Variants in TEKT5 observed in about 807,000 individuals in gnomAD.
TEKT5 encodes tektin 5, also known as tektin-5.
Under a neutral mutation model 48.7 loss-of-function variants are expected in TEKT5, and 52 were observed. The ratio of observed to expected loss-of-function variants is 1.07; its 90% CI spans 0.86 to 1.35. The LOEUF (loss-of-function observed/expected upper bound fraction) is 1.35, where lower values mean the gene tolerates loss of function less well. TEKT5 is among the 40% of genes most tolerant of loss of function. The pLI is 0.00. For missense variants in TEKT5, 831 were observed against 641.6 expected (o/e 1.30, Z -3.19); for synonymous variants, 318 against 267.6 (o/e 1.19, Z -1.84).
In TEKT5 at chr16:10,694,845, G is replaced by A. The variant is rs1046903050; in HGVS notation, c.29C>T (p.Ala10Val). 3 of 1,589,636 alleles carry A rather than the reference G, an allele frequency of 1.9e-6. No individual in the cohort carries two copies. The East Asian group carries it at 6.7e-5, about 35-fold the overall frequency. The change falls in exon 1 of 7, where the codon GCC (alanine) becomes GTC (valine). Residue 10 changes from alanine (A) to valine (V), a missense_variant. By Grantham distance (64) the Ala-to-Val change is moderately conservative. Transcript: ENST00000283025. ...GCATTTCTTGGGACCACAGTAACTG[G>A]CGGTCTGAGTAGTCCCAAGAAACTC... Reference protein sequence around the residue: MEFLGTTQTASYCGPKKCCG... With the variant: MEFLGTTQTVSYCGPKKCCG...
At chr16:10,651,161 C>A (rs1226359991) in intron 5 of TEKT5, among the ~76,000 whole-genome samples, 1 of 152,170 alleles carries the variant, frequency 6.6e-6, no homozygotes. Context: ...GCAACAAGAT[C>A]AAATCAGGGA....
At chr16:10,679,161 GAGTA>G (rs1444737852) in intron 4 of TEKT5, among the ~76,000 whole-genome samples, 4 of 152,198 alleles carry the variant, frequency 2.6e-5, no homozygotes, top group African/African-American at 9.7e-5. Context: ...GCACTGGACA[GAGTA>G]AGCGCCCAAA....
chr16:10,675,469 G>T (rs570549308), intron 5 of TEKT5, among the ~76,000 whole-genome samples: 3 of 152,112 alleles, frequency 2.0e-5, no homozygotes, highest in Non-Finnish European at 4.4e-5. Flanking sequence ...CGACAGAATC[G>T]GGCAGTGCTG....
At chr16:10,660,156 C>T (rs1898338192) in intron 5 of TEKT5, among the ~76,000 whole-genome samples, 1 of 152,132 alleles carries the variant, frequency 6.6e-6, no homozygotes, top group African/African-American at 2.4e-5. Flanking sequence ...GTATGGGATC[C>T]AATTTAACAT....
chr16:10,634,366 G>A (rs894557210), intron 6 of TEKT5, among the ~76,000 whole-genome samples: 4 of 152,046 alleles, frequency 2.6e-5, no homozygotes, highest in Non-Finnish European at 5.9e-5. Context: ...TTTCTCTTGG[G>A]GGATATCAAC....
At chr16:10,645,758 C>T (rs546891755) in intron 5 of TEKT5, among the ~76,000 whole-genome samples, 18 of 152,168 alleles carry the variant, frequency 1.2e-4, no homozygotes, top group Non-Finnish European at 2.6e-4. Context: ...GCCAAGATCA[C>T]ACCATTGCAC....
At chr16:10,669,074 AT>A (rs2142294201) in intron 5 of TEKT5, among the ~76,000 whole-genome samples, 1 of 152,258 alleles carries the variant, frequency 6.6e-6, no homozygotes, top group South Asian at 2.1e-4. Context: ...TTTACCAAAT[AT>A]TTTTTGAACT....
intron 4 of TEKT5, among the ~76,000 whole-genome samples, chr16:10,676,629 C>T (rs892045760): frequency 7.2e-5 from 11 of 152,180 alleles, no homozygotes; most frequent in African/African-American, 2.4e-4. Context: ...AGCCAAGAAG[C>T]AGGCTTTGGG....
chr16:10,654,871 G>C (rs960600725), intron 5 of TEKT5, among the ~76,000 whole-genome samples: 4 of 150,182 alleles, frequency 2.7e-5, no homozygotes, highest in African/African-American at 9.8e-5. Context: ...CCTTAAAACA[G>C]TGTGTAAATT....
At chr16:10,660,996 G>T (rs190014109) in intron 5 of TEKT5, among the ~76,000 whole-genome samples, 1 of 152,076 alleles carries the variant, frequency 6.6e-6, no homozygotes, top group African/African-American at 2.4e-5. Context: ...CACCGCGCCC[G>T]GCTGTGTTTT....
At chr16:10,689,854 G>T in intron 2 of TEKT5, 88 bp downstream of exon 2, 1 of 1,319,014 alleles carries the variant, frequency 7.6e-7, no homozygotes, top group Non-Finnish European at 1.1e-6. Context: ...TGTGGCTTCT[G>T]CTCCTGACAG....
At chr16:10,672,766 A>T (rs1337237009) in intron 5 of TEKT5, among the ~76,000 whole-genome samples, 2 of 152,098 alleles carry the variant, frequency 1.3e-5, no homozygotes, top group East Asian at 3.9e-4. Context: ...TAGCACAAAC[A>T]TGGTGCCTAC....
intron 5 of TEKT5, among the ~76,000 whole-genome samples, chr16:10,675,414 C>T (rs531953894): frequency 1.2e-4 from 18 of 152,272 alleles, no homozygotes; most frequent in African/African-American, 2.9e-4. Context: ...AAAAGCATGA[C>T]GCAAAACGCC....
At chr16:10,676,802 T>A (rs1394526010) in intron 4 of TEKT5, among the ~76,000 whole-genome samples, 1 of 152,226 alleles carries the variant, frequency 6.6e-6, no homozygotes, top group Non-Finnish European at 1.5e-5. Flanking sequence ...AACGGCAACA[T>A]CCGTGTCCTC....
chr16:10,646,604 T>C (rs77661806), intron 5 of TEKT5, among the ~76,000 whole-genome samples: 1 of 152,172 alleles, frequency 6.6e-6, no homozygotes, highest in African/African-American at 2.4e-5. Context: ...ATTTTTTTTT[T>C]CAAAGAATCA....
rs1386581523 is a variant in TEKT5, at chr16:10,652,636, A to T, written c.1087-16718T>A. On this transcript the variant is annotated intron_variant, in intron 5 of 6. Coordinates refer to ENST00000283025, the MANE Select transcript of TEKT5 (RefSeq NM_144674.2). The stretch of plus-strand genomic sequence containing the variant: ...CACACACACACACACACACACACAC[A>T]CACACCCTCCAGGCCAAGTAGAGCG... 3.4e-4 allele frequency among the ~76,000 whole-genome samples: 31 copies of T among 91,830 alleles called. 2 individuals carry two copies. Among genetic ancestry groups the T allele is most frequent in the Non-Finnish European group, 4.8e-4 (24 of 50,516 alleles). 60.2% of individuals were successfully genotyped at this position (91,830 alleles called of 152,430 possible).
intron 3 of TEKT5, among the ~76,000 whole-genome samples, chr16:10,686,618 G>A (rs1041974524): frequency 1.8e-4 from 28 of 152,050 alleles, no homozygotes; most frequent in African/African-American, 5.8e-4. Context: ...TACATCAAAC[G>A]AAAAAGCTTC....
chr16:10,629,317 C>T (rs1897801689), intron 6 of TEKT5, among the ~76,000 whole-genome samples: 1 of 151,080 alleles, frequency 6.6e-6, no homozygotes, highest in South Asian at 2.1e-4. Context: ...GTGGTGCAAT[C>T]TCGGCTCACG....
intron 5 of TEKT5, among the ~76,000 whole-genome samples, chr16:10,636,234 G>A (rs142651332): frequency 1.9e-3 from 291 of 152,246 alleles, no homozygotes; most frequent in African/African-American, 6.7e-3. Context: ...AATTAGCCGG[G>A]CGTGGTGGCA....
Sources: gnomAD v4.1 joint callset for allele counts (sites outside exome capture counted in the v4.1 genomes callset) on GRCh38, gnomAD v4.1.1 for gene constraint, MANE v1.5 for transcripts, NCBI Gene and HGNC (gene_info 2026-07-23, HGNC 2026-07-21) for gene names.